Variants in PARD3B observed in about 807,000 individuals in gnomAD.
The protein encoded by PARD3B is par-3 family cell polarity regulator beta.
Under a neutral mutation model 130.2 loss-of-function variants are expected in PARD3B, and 103 were observed. The ratio of observed to expected loss-of-function variants is 0.79; its 90% CI spans 0.67 to 0.93. PARD3B has a LOEUF of 0.93. Among genes scored for constraint, PARD3B ranks in the 40% least tolerant of loss-of-function variants. The pLI, the probability that PARD3B is intolerant of heterozygous loss-of-function variation, is 0.00. For missense variants in PARD3B, 1,609 were observed against 1,499.2 expected (o/e 1.07, Z -1.21); for synonymous variants, 583 against 553.2 (o/e 1.05, Z -0.76).
At chr2:204,994,055 A>G (rs1180231635) in intron 3 of PARD3B, among the ~76,000 whole-genome samples, 1 of 149,904 alleles carries the variant, frequency 6.7e-6, no homozygotes, top group African/African-American at 2.4e-5. Context: ...AATTTTTTGA[A>G]GGGTTTTTTG....
intron 21 of PARD3B, among the ~76,000 whole-genome samples, chr2:205,509,232 T>A (rs975242168): frequency 6.6e-5 from 10 of 151,826 alleles, no homozygotes; most frequent in Non-Finnish European, 1.5e-4. Flanking sequence ...AGGGAAAAAA[T>A]ATATATATAT....
At position 205,269,494 on chromosome 2, in the gene PARD3B, A is replaced by G. The variant is rs1448597904; in HGVS notation, c.2185+23672A>G. 1.3e-5 allele frequency among the ~76,000 whole-genome samples: 2 copies of G among 152,164 alleles called. No homozygotes were observed. Among genetic ancestry groups the G allele is most frequent in the Non-Finnish European group, 1.5e-5 (1 of 68,028 alleles). The stretch of plus-strand genomic sequence containing the variant: ...CTTGTTAAGATTTCCAAGAACTTTT[A>G]TATTCAGGAATTTATATTCAGGAAT... On this transcript the variant is annotated intron_variant, in intron 16 of 22. Transcript: ENST00000406610. This position sits in a 1 kb window ranked among gnomAD's most constrained non-coding sequence, Gnocchi z 4.7.
At chr2:205,424,599 T>C (rs1172000471) in intron 19 of PARD3B, among the ~76,000 whole-genome samples, 2 of 152,104 alleles carry the variant, frequency 1.3e-5, no homozygotes, top group African/African-American at 4.8e-5. Context: ...GGTGTGAAAT[T>C]CCAGGTGACA....
chr2:205,124,443 C>A lies in PARD3B; in HGVS notation c.1282C>A (p.Gln428Lys). The stretch of plus-strand genomic sequence containing the variant: ...AGCAGCAATAAAAGATGGCCGCCTA[C>A]AATCAGGGGACAGAATTTTGGAGGT... The part of the protein sequence containing the change: ...KGAAIKDGRL[Q>K]SGDRILEVNG... The change falls in exon 9 of 23, where the codon CAA becomes AAA. Residue 428 changes from glutamine to lysine, a missense_variant. Gln to Lys is a moderately conservative substitution (Grantham distance 53, BLOSUM62 1). Transcript: ENST00000406610. 1 of 1,597,906 alleles carries A rather than the reference C, an allele frequency of 6.3e-7. No individual in the cohort carries two copies. Among genetic ancestry groups the A allele is most frequent in the South Asian group, 1.1e-5 (1 of 87,214 alleles).
At chr2:205,204,770 G>A (rs1214972240) in intron 15 of PARD3B, among the ~76,000 whole-genome samples, 1 of 152,056 alleles carries the variant, frequency 6.6e-6, no homozygotes, top group Non-Finnish European at 1.5e-5. Context: ...GATGTGTGAT[G>A]TTATTTCTGA....
In PARD3B at chr2:205,242,518, A is replaced by T. The variant is rs115958263; in HGVS notation, c.2141-3260A>T. ...ACTTTCATTGCCTTTCTTCCACTGCAGGATGATTTAGGAGCCAGGTAAATT... is the reference window on the plus strand; with the variant it reads ...ACTTTCATTGCCTTTCTTCCACTGCTGGATGATTTAGGAGCCAGGTAAATT... On this transcript the variant is annotated intron_variant, in intron 15 of 22. Transcript: ENST00000406610. Among the ~76,000 whole-genome samples, 924 of 152,336 alleles carry T rather than the reference A, an allele frequency of 6.1e-3. 9 individuals are homozygous for T. The highest frequency in any genetic ancestry group is 0.021 in the African/African-American group (882 of 41,562).
At chr2:205,037,089 TAC>T (rs1698003504) in intron 3 of PARD3B, among the ~76,000 whole-genome samples, 1 of 129,410 alleles carries the variant, frequency 7.7e-6, no homozygotes, top group Non-Finnish European at 1.7e-5. Flanking sequence ...AAAACAAATA[TAC>T]ATATATAGCG....
intron 11 of PARD3B, among the ~76,000 whole-genome samples, chr2:205,165,973 T>C (rs1198260172): frequency 6.6e-6 from 1 of 152,092 alleles, no homozygotes; most frequent in South Asian, 2.1e-4. Flanking sequence ...TCTCTGAATA[T>C]GCCCTGGCAT....
chr2:205,387,989 A>G (rs2045722812), intron 18 of PARD3B, among the ~76,000 whole-genome samples: 1 of 152,132 alleles, frequency 6.6e-6, no homozygotes, highest in South Asian at 2.1e-4. Context: ...TCTTTATGTG[A>G]TAGGATCCAA....
At chr2:204,866,541 C>T (rs189054163) in intron 2 of PARD3B, among the ~76,000 whole-genome samples, 60 of 151,928 alleles carry the variant, frequency 3.9e-4, no homozygotes, top group African/African-American at 1.4e-3. Flanking sequence ...TTATTAGGTG[C>T]CAGCCCTGTT....
chr2:204,654,742 T>C (rs2035588996), intron 1 of PARD3B, among the ~76,000 whole-genome samples: 1 of 152,176 alleles, frequency 6.6e-6, no homozygotes, highest in South Asian at 2.1e-4. Flanking sequence ...CTCTTTTCCT[T>C]TGGAGTTTTT....
Position 205,542,101 on chromosome 2 carries a change from C to T in PARD3B, c.3181-11223C>T, listed in dbSNP as rs560717030. On this transcript the variant is annotated intron_variant, in intron 21 of 22. Transcript: ENST00000406610. ...GAGGTTGCAGTAAGCTGAGATCACG[C>T]CACTGCACTCCAGCCTGGGCAACAA... Among the ~76,000 whole-genome samples the T allele has an allele frequency of 2.8e-5, 4 of 143,012 alleles. No individual in the cohort carries two copies. In the South Asian group the frequency reaches 9.0e-4, roughly 32 times the overall value. 93.8% of individuals were successfully genotyped at this position (143,012 alleles called of 152,430 possible).
chr2:205,052,716 A>G (rs1699310916), intron 4 of PARD3B, among the ~76,000 whole-genome samples: 1 of 152,036 alleles, frequency 6.6e-6, no homozygotes, highest in Admixed American at 6.6e-5. Context: ...GAGAATTATC[A>G]CTTCCTCCCT....
intron 3 of PARD3B, among the ~76,000 whole-genome samples, chr2:205,026,558 CTG>C (rs1697045866): frequency 6.6e-6 from 1 of 152,030 alleles, no homozygotes; most frequent in African/African-American, 2.4e-5. Context: ...TAAAAATCTT[CTG>C]TCATCAAATT....
intron 1 of PARD3B, among the ~76,000 whole-genome samples, chr2:204,634,347 C>T (rs1574588425): frequency 1.3e-5 from 2 of 152,116 alleles, no homozygotes; most frequent in African/African-American, 4.8e-5. Context: ...CTGAATAGTA[C>T]CCCATTGTGT....
intron 16 of PARD3B, among the ~76,000 whole-genome samples, chr2:205,294,772 A>G (rs1921799): frequency 0.095 from 14,412 of 152,210 alleles, 756 homozygotes; most frequent in Middle Eastern, 0.11. Context: ...CCACTCTTGG[A>G]GAACTTGGAA....
Position 205,274,692 on chromosome 2 carries a change from T to C in PARD3B, c.2186-25838T>C, listed in dbSNP as rs1007089695. On this transcript the variant is annotated intron_variant, in intron 16 of 22. Coordinates refer to ENST00000406610, the MANE Select transcript of PARD3B (RefSeq NM_001302769.2). This position sits in a 1 kb window ranked among gnomAD's most constrained non-coding sequence, Gnocchi z 4.2. ...CTACCTGAATATTTCTATCTGAATA[T>C]TAATTCTTCAGTTAGCACCAAATGC... Among the ~76,000 whole-genome samples the C allele has an allele frequency of 6.6e-6, 1 of 152,158 alleles. No individual in the cohort carries two copies. Among genetic ancestry groups the C allele is most frequent in the Non-Finnish European group, 1.5e-5 (1 of 68,026 alleles).
At chr2:204,753,560 G>C (rs1438153730) in intron 2 of PARD3B, among the ~76,000 whole-genome samples, 1 of 152,080 alleles carries the variant, frequency 6.6e-6, no homozygotes, top group Non-Finnish European at 1.5e-5. Flanking sequence ...GATTTGACTG[G>C]AAGACCCATG....
At chr2:204,921,273 T>TTTTTAATG (rs1382079362) in intron 2 of PARD3B, among the ~76,000 whole-genome samples, 4 of 152,198 alleles carry the variant, frequency 2.6e-5, no homozygotes, top group South Asian at 2.1e-4. Flanking sequence ...TAGGTGGTTA[T>TTTTTAATG]TTTTAATGTT....
Sources: allele counts gnomAD v4.1 joint callset (sites outside exome capture counted in the v4.1 genomes callset), GRCh38; gene constraint gnomAD v4.1.1; non-coding constraint Gnocchi (gnomAD v3.1); transcripts MANE v1.5; gene names NCBI Gene and HGNC (gene_info 2026-07-23, HGNC 2026-07-21).